The following GPR158 variants were observed in gnomAD, a reference collection of about 807,000 sequenced individuals.
The protein encoded by GPR158 is G protein-coupled receptor 158, also known as metabotropic glycine receptor.
GPR158 carries 30 observed loss-of-function variants against 78.2 expected under a neutral mutation model. The observed-to-expected ratio is 0.38, with a 90% CI of 0.29 to 0.52. The LOEUF (loss-of-function observed/expected upper bound fraction) is 0.52. GPR158 is among the 20% of genes least tolerant of loss of function. The pLI is 0.83. For missense variants in GPR158, 1,463 were observed against 1,523.5 expected, an observed-to-expected ratio of 0.96 and a Z score of 0.66; for synonymous variants, 581 against 591.1, an observed-to-expected ratio of 0.98 and a Z score of 0.25.
intron 6 of GPR158, among the ~76,000 whole-genome samples, chr10:25,562,169 T>C (rs1836869110): frequency 1.3e-5 from 2 of 152,128 alleles, no homozygotes; most frequent in Non-Finnish European, 2.9e-5. Flanking sequence ...CCCACTTTCA[T>C]TCCTGACTCT....
chr10:25,466,632 T>A lies in GPR158; in HGVS notation c.1336-19T>A. 2 of 1,560,116 alleles carry A rather than the reference T, an allele frequency of 1.3e-6. No individual in the cohort carries two copies. Among genetic ancestry groups the A allele is most frequent in the Non-Finnish European group, 1.8e-6 (2 of 1,140,316 alleles). ...TAGAAATGTAAGTTAGTAATGACGT[T>A]TTTATTTTGTTTTTTCAGAGCATCC... is the stretch of plus-strand genomic sequence containing the variant. On this transcript the variant is annotated intron_variant, in intron 4 of 10. Coordinates refer to ENST00000376351, the MANE Select transcript of GPR158 (RefSeq NM_020752.3).
intron 2 of GPR158, among the ~76,000 whole-genome samples, chr10:25,316,583 C>T (rs375391325): frequency 3.0e-4 from 45 of 152,194 alleles, no homozygotes; most frequent in South Asian, 2.1e-3. Flanking sequence ...ATTTTCATGT[C>T]GTGTTTGCTT....
intron 2 of GPR158, among the ~76,000 whole-genome samples, chr10:25,355,587 T>C (rs374266520): frequency 1.3e-5 from 2 of 152,122 alleles, no homozygotes; most frequent in African/African-American, 4.8e-5. Flanking sequence ...TGTACGTCTG[T>C]GACTTTGCAC....
At chr10:25,488,042 C>CAT (rs1392690902) in intron 5 of GPR158, among the ~76,000 whole-genome samples, 1 of 152,098 alleles carries the variant, frequency 6.6e-6, no homozygotes, top group Non-Finnish European at 1.5e-5. Flanking sequence ...TACCAAGGAA[C>CAT]ATAGGAAGAG....
At chr10:25,312,533 C>T (rs957780326) in intron 2 of GPR158, among the ~76,000 whole-genome samples, 2 of 152,060 alleles carry the variant, frequency 1.3e-5, no homozygotes, top group African/African-American at 4.8e-5. Flanking sequence ...TATCTTTAAT[C>T]TGAATAACCA....
intron 7 of GPR158, among the ~76,000 whole-genome samples, chr10:25,588,734 G>A (rs1395285770): frequency 6.6e-6 from 1 of 152,022 alleles, no homozygotes; most frequent in Admixed American, 6.5e-5. Context: ...AAAAAGCAAG[G>A]TATTATCAAA....
In GPR158 at chr10:25,175,377, G is replaced by T; in HGVS notation, c.-44G>T. 1 of 1,231,490 alleles carries T rather than the reference G, an allele frequency of 8.1e-7. No homozygotes were observed. Among genetic ancestry groups the T allele is most frequent in the South Asian group, 1.5e-5 (1 of 68,774 alleles). The allele number at this position is 1,231,490 out of a possible 1,614,324, so 76.3% of individuals were successfully genotyped here. On this transcript the variant is annotated 5_prime_UTR_variant, in exon 1 of 11. Coordinates refer to ENST00000376351, the MANE Select transcript of GPR158 (RefSeq NM_020752.3). This position sits in a 1 kb window ranked among gnomAD's most constrained non-coding sequence, Gnocchi z 6.4. ...AACTGACGATCCAAATTTAAAAAGT[G>T]ATTCCCCCCCCTCCCGTTCCCTCCT...
chr10:25,433,547 T>TGTGTTGTGTGTGTGG (rs67750453), intron 4 of GPR158, among the ~76,000 whole-genome samples: 1 of 96,328 alleles, frequency 1.0e-5, no homozygotes, highest in South Asian at 3.2e-4. Context: ...TGTGTGTGTG[T>TGTGTTGTGTGTGTGG]TGTGTGTGTG....
chr10:25,319,272 T>C (rs182053265), intron 2 of GPR158, among the ~76,000 whole-genome samples: 3 of 152,344 alleles, frequency 2.0e-5, no homozygotes, highest in East Asian at 3.9e-4. Flanking sequence ...CTTAGGAGCC[T>C]GTAGACACTT....
At chr10:25,199,625 TAGTG>T (rs1204831141) in intron 1 of GPR158, among the ~76,000 whole-genome samples, 8 of 152,122 alleles carry the variant, frequency 5.3e-5, no homozygotes, top group Non-Finnish European at 1.2e-4. Flanking sequence ...GTTCTCATGA[TAGTG>T]AGTAAGTTCT....
chr10:25,252,992 C>G (rs1272116639), intron 2 of GPR158, among the ~76,000 whole-genome samples: 1 of 152,214 alleles, frequency 6.6e-6, no homozygotes, highest in Non-Finnish European at 1.5e-5. Flanking sequence ...ACCCTCAGAG[C>G]CAGGTGTGGG....
At chr10:25,535,911 C>T (rs1193013143) in intron 5 of GPR158, among the ~76,000 whole-genome samples, 1 of 152,098 alleles carries the variant, frequency 6.6e-6, no homozygotes, top group African/African-American at 2.4e-5. Flanking sequence ...CAAAAGTAAT[C>T]CTCATATGTT....
At chr10:25,355,744 G>T (rs1470893442) in intron 2 of GPR158, among the ~76,000 whole-genome samples, 3 of 151,986 alleles carry the variant, frequency 2.0e-5, no homozygotes, top group African/African-American at 7.2e-5. Flanking sequence ...TTGGCACATT[G>T]CTTTGCTTCT....
chr10:25,368,062 A>T (rs1164239552), intron 2 of GPR158, among the ~76,000 whole-genome samples: 1 of 151,868 alleles, frequency 6.6e-6, no homozygotes, highest in Non-Finnish European at 1.5e-5. Flanking sequence ...GTGTCTCTGA[A>T]GTTCATCTTT....
chr10:25,489,417 T>C (rs1411734192), intron 5 of GPR158, among the ~76,000 whole-genome samples: 1 of 152,176 alleles, frequency 6.6e-6, no homozygotes. Context: ...TCATATTGTA[T>C]GAATGGCTGA....
chr10:25,302,495 T>C (rs1854614242), intron 2 of GPR158, among the ~76,000 whole-genome samples: 1 of 152,162 alleles, frequency 6.6e-6, no homozygotes, highest in Admixed American at 6.5e-5. Context: ...CCTGCGGATC[T>C]TTTTGGGGGC....
At chr10:25,280,616 G>A (rs942617781) in intron 2 of GPR158, among the ~76,000 whole-genome samples, 16 of 152,246 alleles carry the variant, frequency 1.1e-4, no homozygotes, top group African/African-American at 3.1e-4. Flanking sequence ...ACATACATTG[G>A]ACTCTGCAGT....
intron 2 of GPR158, among the ~76,000 whole-genome samples, chr10:25,300,448 T>C (rs1019630265): frequency 6.6e-6 from 1 of 152,206 alleles, no homozygotes; most frequent in African/African-American, 2.4e-5. Context: ...TTAAGGTAAG[T>C]GACCTTAACT....
chr10:25,443,921 T>C (rs1223074582), intron 4 of GPR158, among the ~76,000 whole-genome samples: 3 of 152,100 alleles, frequency 2.0e-5, no homozygotes, highest in Non-Finnish European at 2.9e-5. Flanking sequence ...ATTTATTTTC[T>C]ATGTCCTATT....
Sources: allele counts gnomAD v4.1 joint callset (sites outside exome capture counted in the v4.1 genomes callset), GRCh38; gene constraint gnomAD v4.1.1; non-coding constraint Gnocchi (gnomAD v3.1); transcripts MANE v1.5; gene names NCBI Gene and HGNC (gene_info 2026-07-23, HGNC 2026-07-21).